Variants in FAM83A observed in about 807,000 individuals in gnomAD.
The protein encoded by FAM83A is protein FAM83A.
Under a neutral mutation model 24.4 loss-of-function variants are expected in FAM83A, and 21 were observed. The observed-to-expected ratio is 0.86, with a 90% CI of 0.61 to 1.24. The LOEUF (loss-of-function observed/expected upper bound fraction) is 1.24. Ranked by LOEUF, FAM83A falls within the 50% of genes most tolerant of loss-of-function variation. The pLI is 0.00. For synonymous variants in FAM83A, 270 were observed against 252.4 expected (o/e 1.07, Z -0.66); for missense variants, 617 against 579.8 (o/e 1.06, Z -0.66).
intron 2 of FAM83A, 117 bp from the exon 3 acceptor site, chr8:123,193,907 G>A: frequency 2.3e-6 from 3 of 1,299,666 alleles, no homozygotes; most frequent in Non-Finnish European, 3.2e-6. Context: ...CCGTCACCCT[G>A]GGGATTAGGT....
In FAM83A at chr8:123,189,384, C is replaced by T. The variant is rs75226541; in HGVS notation, c.481-2419C>T. On this transcript the variant is annotated intron_variant, in intron 1 of 3. Coordinates refer to ENST00000690554, the Ensembl canonical transcript of FAM83A. ...CTTTCCTTGGCTACTTCCCAGATGG[C>T]GGTGGTTTTAAAAAATATATTGCAA... 2.2e-3 allele frequency among the ~76,000 whole-genome samples: 332 copies of T among 152,162 alleles called. 1 individual carries two copies. The highest frequency in any genetic ancestry group is 7.1e-3 in the African/African-American group (295 of 41,502).
intron 2 of FAM83A, 61 bp downstream of exon 2, chr8:123,192,031 C>T: frequency 6.5e-7 from 1 of 1,543,394 alleles, no homozygotes; most frequent in Non-Finnish European, 8.8e-7. Context: ...ATAGTCTATG[C>T]AATAGTAACA....
At chr8:123,200,308 T>A (rs1443784920) in intron 3 of FAM83A, among the ~76,000 whole-genome samples, 1 of 152,096 alleles carries the variant, frequency 6.6e-6, no homozygotes, top group Non-Finnish European at 1.5e-5. Flanking sequence ...TGGAGTGTGA[T>A]TTACATACAG....
chr8:123,208,949 G>T, exon 4 of FAM83A: 1 of 980,846 alleles, frequency 1.0e-6, no homozygotes, highest in Non-Finnish European at 1.2e-6. Context: ...GGGCAACAAA[G>T]CAAGACTCCG....
chr8:123,208,862 G>T, exon 4 of FAM83A: 2 of 953,506 alleles, frequency 2.1e-6, no homozygotes, highest in Non-Finnish European at 2.5e-6. Context: ...CAAAAATTAG[G>T]CTGAGACAGG....
chr8:123,203,459 G>A (rs752355513), intron 3 of FAM83A, among the ~76,000 whole-genome samples: 22 of 151,770 alleles, frequency 1.4e-4, no homozygotes, highest in Non-Finnish European at 2.2e-4. Flanking sequence ...GTGGTGGCAC[G>A]TGCCTGTAGT....
At chr8:123,191,607 C>G (rs527399242) in intron 1 of FAM83A, among the ~76,000 whole-genome samples, 196 bp from the exon 2 acceptor site, 3 of 152,256 alleles carry the variant, frequency 2.0e-5, no homozygotes, top group Admixed American at 2.0e-4. Flanking sequence ...TCAGGACAGG[C>G]GCAGGGGCCT....
In FAM83A at chr8:123,197,901, G is replaced by A. The variant is rs566033482; in HGVS notation, c.773+3753G>A. 1.3e-4 allele frequency among the ~76,000 whole-genome samples: 20 copies of A among 152,274 alleles called. No homozygotes were observed. The East Asian group carries it at 2.5e-3, about 19-fold the overall frequency. ...TCCCAGCACTTTGACAGGCCAAGGC[G>A]GGTAGATTACCTGAGGTCAGTAGTT... On this transcript the variant is annotated intron_variant, in intron 3 of 3. Transcript: ENST00000690554.
At chr8:123,187,208 T>C (rs1586775812) in intron 1 of FAM83A, among the ~76,000 whole-genome samples, 1 of 152,038 alleles carries the variant, frequency 6.6e-6, no homozygotes, top group African/African-American at 2.4e-5. Flanking sequence ...GGGGATGTGA[T>C]AAAGGGTGAA....
rs973790459 is a variant in FAM83A, at chr8:123,194,243, C to CA, written c.773+96dup. The CA allele has an allele frequency of 1.5e-4, 231 of 1,529,132 alleles. 1 individual carries two copies. The highest frequency in any genetic ancestry group is 1.9e-4 in the Non-Finnish European group (217 of 1,128,012). The allele number at this position is 1,529,132 out of a possible 1,614,324, so 94.7% of individuals were successfully genotyped here. ...CCCGCTGCTCAGACACAAACACCCC[C>CA]AGCAGCTCCCAGAAGGTCTCCCTCT... On this transcript the variant is annotated intron_variant, in intron 3 of 3. Transcript: ENST00000690554.
At chr8:123,182,532 CCTCCCCCTG>C, upstream of FAM83A, 1 of 537,416 alleles carries the variant, frequency 1.9e-6, no homozygotes, top group African/African-American at 1.9e-5. Flanking sequence ...CTCACCTTCG[CCTCCCCCTG>C]CGGCTGGGAG....
intron 3 of FAM83A, among the ~76,000 whole-genome samples, chr8:123,195,493 T>G (rs1429648028): frequency 1.3e-5 from 2 of 152,230 alleles, no homozygotes; most frequent in African/African-American, 4.8e-5. Context: ...TTTAATGATA[T>G]TAACATTGCT....
At chr8:123,188,095 G>A (rs1306703978) in intron 1 of FAM83A, among the ~76,000 whole-genome samples, 4 of 151,404 alleles carry the variant, frequency 2.6e-5, no homozygotes, top group South Asian at 4.2e-4. Flanking sequence ...GGCTGGTCTC[G>A]AACTCCTGAC....
At chr8:123,188,875 C>T (rs1823887734) in intron 1 of FAM83A, among the ~76,000 whole-genome samples, 2 of 152,226 alleles carry the variant, frequency 1.3e-5, no homozygotes, top group Admixed American at 1.3e-4. Context: ...CAACAGGAAG[C>T]AAACAAGATA....
chr8:123,207,208 A>T (rs1250694295), exon 4 of FAM83A: 8 of 1,610,356 alleles, frequency 5.0e-6, no homozygotes, highest in African/African-American at 1.4e-5. Flanking sequence ...CCAAGTTCAC[A>T]GGCCAGGCGG....
rs1397390139 is a variant in FAM83A, at chr8:123,208,600, C to T, written c.*912C>T. On this transcript the variant is annotated 3_prime_UTR_variant, in exon 4 of 4. Coordinates refer to ENST00000690554, the Ensembl canonical transcript of FAM83A. ...GCTGAACCTCACAAGCCCCATCATT[C>T]ATTTCTTCTCAATTCACAGTGCCCC... is the stretch of plus-strand genomic sequence containing the variant. 4.1e-6 allele frequency: 4 copies of T among 985,458 alleles called. No homozygotes were observed. The East Asian group carries it at 3.4e-4, about 84-fold the overall frequency. The allele number at this position is 985,458 out of a possible 1,614,324, so 61.0% of individuals were successfully genotyped here.
At chr8:123,185,219 A>G (rs1823752287) in intron 1 of FAM83A, among the ~76,000 whole-genome samples, 1 of 152,180 alleles carries the variant, frequency 6.6e-6, no homozygotes, top group African/African-American at 2.4e-5. Flanking sequence ...CTCAGCTCCT[A>G]TGCCGGACTA....
chr8:123,190,555 G>A (rs750894095), intron 1 of FAM83A, among the ~76,000 whole-genome samples: 9 of 152,000 alleles, frequency 5.9e-5, no homozygotes, highest in Admixed American at 1.3e-4. Context: ...GTGAGCCACC[G>A]CGCCCGGCAG....
chr8:123,209,754 G>T lies in FAM83A; in HGVS notation c.*2066G>T, dbSNP rs1563792239. 3.4e-6 allele frequency: 2 copies of T among 590,428 alleles called. No individual in the cohort carries two copies. Among genetic ancestry groups the T allele is most frequent in the Admixed American group, 5.9e-5 (2 of 33,884 alleles). 36.6% of individuals were successfully genotyped at this position (590,428 alleles called of 1,614,324 possible). On this transcript the variant is annotated 3_prime_UTR_variant, in exon 4 of 4. Transcript: ENST00000690554. The surrounding 1 kb of genome is among the most constrained non-coding windows in gnomAD (Gnocchi z 4.7). ...CCCTACTCCTGACCACCCTCCATCA[G>T]CAGTCTCCCCTCCGTGGTCGTCTTT...
Sources: allele counts gnomAD v4.1 joint callset (sites outside exome capture counted in the v4.1 genomes callset), GRCh38; gene constraint gnomAD v4.1.1; non-coding constraint Gnocchi (gnomAD v3.1); transcripts MANE v1.5; gene names NCBI Gene and HGNC (gene_info 2026-07-23, HGNC 2026-07-21).